CNTN5: variants seen among roughly 807,000 people sequenced by gnomAD.
CNTN5 encodes contactin 5.
Under a neutral mutation model 129.1 loss-of-function variants are expected in CNTN5, and 77 were observed. The observed-to-expected ratio is 0.60, with a 90% confidence interval of 0.50 to 0.72. The LOEUF (loss-of-function observed/expected upper bound fraction) is 0.72. Ranked by LOEUF, CNTN5 falls within the 30% of genes least tolerant of loss-of-function variation. The pLI is 0.00. For synonymous variants in CNTN5, 509 were observed against 465.6 expected, an observed-to-expected ratio of 1.09 and a Z score of -1.20; for missense variants, 1,478 against 1,328.8, an observed-to-expected ratio of 1.11 and a Z score of -1.75.
chr11:99,072,359 G>GA (rs372421825), intron 1 of CNTN5, among the ~76,000 whole-genome samples: 7 of 151,694 alleles, frequency 4.6e-5, no homozygotes, highest in Admixed American at 3.9e-4. Flanking sequence ...ATTAAGTTTG[G>GA]AAAAAAAATG....
At chr11:99,106,733 A>C (rs1167273882) in intron 1 of CNTN5, among the ~76,000 whole-genome samples, 1 of 152,086 alleles carries the variant, frequency 6.6e-6, no homozygotes, top group Non-Finnish European at 1.5e-5. Context: ...GAAAGCAACT[A>C]ATATCAGTAT....
chr11:99,805,965 G>T (rs10790972), intron 3 of CNTN5, among the ~76,000 whole-genome samples: 23,468 of 152,118 alleles, frequency 0.15, 1,910 homozygotes, highest in Non-Finnish European at 0.17. Context: ...ATGTAGTAAA[G>T]AAATATTTGG....
intron 1 of CNTN5, among the ~76,000 whole-genome samples, chr11:99,225,934 T>C (rs777023199): frequency 1.3e-5 from 2 of 152,158 alleles, no homozygotes; most frequent in Non-Finnish European, 2.9e-5. Flanking sequence ...AGAGATTTAT[T>C]TTGACTCATA....
At chr11:99,992,553 A>G (rs2137421387) in intron 8 of CNTN5, among the ~76,000 whole-genome samples, 1 of 152,304 alleles carries the variant, frequency 6.6e-6, no homozygotes, top group African/African-American at 2.4e-5. Context: ...TGCTAAGGAA[A>G]CTATCAAAAT....
intron 8 of CNTN5, among the ~76,000 whole-genome samples, chr11:99,968,947 G>T (rs1951174499): frequency 6.6e-6 from 1 of 151,828 alleles, no homozygotes; most frequent in Admixed American, 6.6e-5. Flanking sequence ...TTTTCTATGT[G>T]TCTCTCTGGA....
At chr11:100,184,298 A>G (rs1948229119) in intron 13 of CNTN5, among the ~76,000 whole-genome samples, 1 of 152,214 alleles carries the variant, frequency 6.6e-6, no homozygotes, top group South Asian at 2.1e-4. Flanking sequence ...GGAGATTAAG[A>G]AACTTTGCTT....
intron 24 of CNTN5, 67 bp downstream of exon 24, chr11:100,350,937 G>C (rs1245712453): frequency 8.5e-7 from 1 of 1,176,740 alleles, no homozygotes; most frequent in Non-Finnish European, 1.2e-6. Context: ...TGAAAGTCAC[G>C]AAAATTGATG....
In CNTN5 at chr11:99,793,161, G is replaced by A. The variant is rs137977921; in HGVS notation, c.56-26383G>A. ...TGCAACCTCTTCCTCCCAGGTTCAC[G>A]CCATTCTCCTGCCTCAGCCTCCCGA... On this transcript the variant is annotated intron_variant, in intron 3 of 24. Coordinates refer to ENST00000524871, the MANE Select transcript of CNTN5 (RefSeq NM_014361.4). Among the ~76,000 whole-genome samples, 1,010 of 151,794 alleles carry A rather than the reference G, an allele frequency of 6.7e-3. 13 individuals are homozygous for A. The highest frequency in any genetic ancestry group is 0.023 in the African/African-American group (965 of 41,370).
At chr11:99,896,270 T>C (rs150516968) in intron 6 of CNTN5, among the ~76,000 whole-genome samples, 222 of 152,238 alleles carry the variant, frequency 1.5e-3, no homozygotes, top group Non-Finnish European at 2.4e-3. Flanking sequence ...TTTCGGCCCA[T>C]AACACACTTA....
Position 99,578,083 on chromosome 11 carries a change from G to T in CNTN5, c.55+21814G>T, listed in dbSNP as rs1386306320. 6.0e-5 allele frequency among the ~76,000 whole-genome samples: 9 copies of T among 150,180 alleles called. 1 individual carries two copies. In the South Asian group the frequency reaches 1.1e-3, roughly 18 times the overall value. ...TATGAGTGAGAACATGCGGTGTTTG[G>T]TTTTTTCTCCGTGCGATAGTTTGCT... On this transcript the variant is annotated intron_variant, in intron 3 of 24. Coordinates refer to ENST00000524871, the MANE Select transcript of CNTN5 (RefSeq NM_014361.4).
chr11:99,877,763 A>G (rs959241761), intron 6 of CNTN5, among the ~76,000 whole-genome samples: 1 of 152,218 alleles, frequency 6.6e-6, no homozygotes, highest in South Asian at 2.1e-4. Context: ...TAGGTTTTCA[A>G]TCATATGTTA....
At chr11:100,044,290 A>G (rs1195093950) in intron 9 of CNTN5, among the ~76,000 whole-genome samples, 2 of 152,110 alleles carry the variant, frequency 1.3e-5, no homozygotes, top group Non-Finnish European at 2.9e-5. Context: ...TGATAAACAT[A>G]TGAGTGCAGG....
chr11:99,861,508 TC>T (rs1948206994), intron 6 of CNTN5, among the ~76,000 whole-genome samples: 1 of 152,230 alleles, frequency 6.6e-6, no homozygotes, highest in African/African-American at 2.4e-5. Context: ...AATTTTTTTT[TC>T]CAATAATTCA....
intron 2 of CNTN5, among the ~76,000 whole-genome samples, chr11:99,410,905 TTAACAACCTAA>T (rs1159917836): frequency 6.6e-6 from 1 of 152,210 alleles, no homozygotes; most frequent in Non-Finnish European, 1.5e-5. Flanking sequence ...GCACTCTCCT[TTAACAACCTAA>T]TCTTAGAAGT....
At position 99,193,044 on chromosome 11, in the gene CNTN5, G is replaced by A. The variant is rs1858725228; in HGVS notation, c.-209-132302G>A. On this transcript the variant is annotated intron_variant, in intron 1 of 24. Coordinates refer to ENST00000524871, the MANE Select transcript of CNTN5 (RefSeq NM_014361.4). ...CAAGATCTATTCAAAGCTAAGTAGA[G>A]CTTCTTGTTTCTCTTAAATGTATTT... is the stretch of plus-strand genomic sequence containing the variant. 2.0e-5 allele frequency among the ~76,000 whole-genome samples: 3 copies of A among 152,052 alleles called. No homozygotes were observed. The South Asian group carries it at 6.2e-4, about 32-fold the overall frequency.
intron 9 of CNTN5, among the ~76,000 whole-genome samples, chr11:100,005,899 A>G (rs1238078824): frequency 2.0e-5 from 3 of 152,134 alleles, no homozygotes; most frequent in Admixed American, 6.6e-5. Flanking sequence ...AGTAATTCAC[A>G]TTTCCTACCA....
intron 21 of CNTN5, among the ~76,000 whole-genome samples, chr11:100,331,282 T>G (rs998577897): frequency 2.6e-5 from 4 of 152,000 alleles, no homozygotes; most frequent in Non-Finnish European, 5.9e-5. Flanking sequence ...CAGGAAAATA[T>G]CACAATTCTA....
At chr11:99,378,187 G>A (rs960959134) in intron 2 of CNTN5, among the ~76,000 whole-genome samples, 3 of 152,006 alleles carry the variant, frequency 2.0e-5, no homozygotes, top group African/African-American at 4.8e-5. Flanking sequence ...CTTTGGACTC[G>A]TGGTCTTCTG....
At chr11:100,188,870 C>T (rs1948384328) in intron 13 of CNTN5, among the ~76,000 whole-genome samples, 1 of 152,146 alleles carries the variant, frequency 6.6e-6, no homozygotes, top group African/African-American at 2.4e-5. Context: ...AAATGTGGTA[C>T]ATACACACTG....
Sources: allele counts gnomAD v4.1 joint callset (sites outside exome capture counted in the v4.1 genomes callset), GRCh38; gene constraint gnomAD v4.1.1; transcripts MANE v1.5; gene names NCBI Gene and HGNC (gene_info 2026-07-23, HGNC 2026-07-21).